METTL21A: variants seen among roughly 807,000 people sequenced by gnomAD.
METTL21A encodes protein N-lysine methyltransferase METTL21A.
A neutral mutation model predicts 20.9 loss-of-function variants in METTL21A; 22 were observed. The ratio of observed to expected loss-of-function variants is 1.05; its 90% CI spans 0.75 to 1.50. METTL21A has a LOEUF of 1.50. Among genes scored for constraint, METTL21A ranks in the 40% most tolerant of loss-of-function variants. The probability of loss-of-function intolerance (pLI) is 0.00; values close to 1 mark genes in which losing one functional copy is unlikely to be tolerated. For synonymous variants in METTL21A, 93 were observed against 102.0 expected, an observed-to-expected ratio of 0.91 and a Z score of 0.53; for missense variants, 271 against 266.8, an observed-to-expected ratio of 1.02 and a Z score of -0.11.
intron 1 of METTL21A, chr2:207,625,148 G>A (rs905779661): frequency 6.6e-6 from 1 of 152,260 alleles, no homozygotes; most frequent in Non-Finnish European, 1.5e-5. Flanking sequence ...GAGACCAGGC[G>A]AGGGGGGTCA....
At chr2:207,620,425 A>C (rs1260315630) in intron 3 of METTL21A, among the ~76,000 whole-genome samples, 2 of 151,432 alleles carry the variant, frequency 1.3e-5, no homozygotes, top group African/African-American at 4.9e-5. Context: ...CCTGGGCAAC[A>C]GAGTGAGACT....
chr2:207,621,976 G>A (rs1200263026), intron 2 of METTL21A, 59 bp from the exon 3 acceptor site: 2 of 1,471,906 alleles, frequency 1.4e-6, no homozygotes, highest in African/African-American at 2.8e-5. Context: ...GTAGCTGCAG[G>A]GTTTCAGGTC....
downstream of METTL21A, chr2:207,581,027 G>T (rs901569700): frequency 4.6e-6 from 1 of 217,154 alleles, no homozygotes; most frequent in African/African-American, 2.2e-5. Context: ...GAAAAATTGT[G>T]AAAGTAATAC....
chr2:207,600,678 T>G (rs1371106498), intron 3 of METTL21A: 2 of 211,216 alleles, frequency 9.5e-6, no homozygotes, highest in Admixed American at 5.9e-5. Context: ...AGAAAATGTG[T>G]TTTGATGGTA....
chr2:207,590,920 A>G (rs761944712), intron 3 of METTL21A, among the ~76,000 whole-genome samples: 1 of 152,102 alleles, frequency 6.6e-6, no homozygotes, highest in Non-Finnish European at 1.5e-5. Context: ...TTGGGTTGTC[A>G]TTTTTATTTG....
chr2:207,593,181 C>G lies in METTL21A; in HGVS notation c.260-11021G>C, dbSNP rs183112460. ...TGCTGAAATAACCCATCTGATCTTACATGTTATCCACCATTCCTATTAGAG... is the reference window on the plus strand; with the variant it reads ...TGCTGAAATAACCCATCTGATCTTAGATGTTATCCACCATTCCTATTAGAG... On this transcript the variant is annotated intron_variant, in intron 3 of 3. Coordinates refer to the METTL21A transcript ENST00000425132. Among the ~76,000 whole-genome samples, 5 of 152,294 alleles carry G rather than the reference C, an allele frequency of 3.3e-5. No individual in the cohort carries two copies. In the East Asian group the frequency reaches 7.7e-4, roughly 24 times the overall value.
chr2:207,624,611 GGAA>G, intron 1 of METTL21A: 1 of 419,522 alleles, frequency 2.4e-6, no homozygotes, highest in African/African-American at 2.1e-5. Context: ...ATGTGTTTGG[GGAA>G]GAAGAAAAAA....
At chr2:207,592,519 A>G (rs1029129032) in intron 3 of METTL21A, among the ~76,000 whole-genome samples, 2 of 152,170 alleles carry the variant, frequency 1.3e-5, no homozygotes, top group Admixed American at 1.3e-4. Flanking sequence ...CAGCAATTCA[A>G]ATATAATATG....
intron 3 of METTL21A, among the ~76,000 whole-genome samples, chr2:207,583,827 C>A (rs1354715233): frequency 6.6e-6 from 1 of 152,066 alleles, no homozygotes; most frequent in African/African-American, 2.4e-5. Context: ...CTCTTATATC[C>A]CTTTGAAGTC....
downstream of METTL21A, among the ~76,000 whole-genome samples, chr2:207,604,996 TCTA>T (rs753459741): frequency 6.6e-6 from 1 of 152,234 alleles, no homozygotes; most frequent in Non-Finnish European, 1.5e-5. Context: ...TTGAGTTGTT[TCTA>T]CTGTTTGGCT....
chr2:207,624,322 G>A, exon 2 of METTL21A: 1 of 1,614,004 alleles, frequency 6.2e-7, no homozygotes. Flanking sequence ...CAAGAGGCTT[G>A]TGGAATTTCT....
downstream of METTL21A, among the ~76,000 whole-genome samples, chr2:207,605,311 A>C (rs1217899670): frequency 2.0e-5 from 3 of 152,146 alleles, no homozygotes; most frequent in Non-Finnish European, 2.9e-5. Flanking sequence ...CCTGATTACT[A>C]ATGATGTGGA....
intron 3 of METTL21A, chr2:207,599,730 T>C (rs1229040533): frequency 5.1e-6 from 1 of 196,796 alleles, no homozygotes; most frequent in Non-Finnish European, 1.1e-5. Flanking sequence ...GAGGTTTGTT[T>C]GTAAGCATGA....
At chr2:207,620,901 G>C in intron 3 of METTL21A, 1 of 400,142 alleles carries the variant, frequency 2.5e-6, no homozygotes, top group Non-Finnish European at 4.5e-6. Context: ...GATGGGTTTA[G>C]AATACTCTGG....
intron 3 of METTL21A, chr2:207,600,569 A>G: frequency 4.7e-6 from 1 of 212,094 alleles, no homozygotes; most frequent in Non-Finnish European, 9.6e-6. Context: ...AACAGTGGTA[A>G]GAACATTTTG....
At chr2:207,590,565 TTG>T (rs1232919081) in intron 3 of METTL21A, among the ~76,000 whole-genome samples, 1 of 152,114 alleles carries the variant, frequency 6.6e-6, no homozygotes, top group Non-Finnish European at 1.5e-5. Context: ...ATATATACCT[TTG>T]TCTTATTTCA....
intron 3 of METTL21A, chr2:207,600,971 C>T: frequency 6.7e-6 from 1 of 148,278 alleles, no homozygotes; most frequent in Non-Finnish European, 1.3e-5. Flanking sequence ...CCACAGTCAG[C>T]TATTACCATA....
intron 3 of METTL21A, chr2:207,598,101 A>G (rs1437273345): frequency 1.1e-5 from 2 of 180,834 alleles, no homozygotes; most frequent in Non-Finnish European, 2.4e-5. Flanking sequence ...TTACATGTAG[A>G]AAAATACTGA....
At chr2:207,604,152 C>G (rs1239309307), downstream of METTL21A, among the ~76,000 whole-genome samples, 1 of 152,214 alleles carries the variant, frequency 6.6e-6, no homozygotes, top group Non-Finnish European at 1.5e-5. Context: ...CGTTCAGGTG[C>G]TTGGACCTTC....
Sources: allele counts gnomAD v4.1 joint callset (sites outside exome capture counted in the v4.1 genomes callset), GRCh38; gene constraint gnomAD v4.1.1; transcripts MANE v1.5; gene names NCBI Gene and HGNC (gene_info 2026-07-23, HGNC 2026-07-21).